PDCD1LG2: variants seen among roughly 807,000 people sequenced by gnomAD.
PDCD1LG2 encodes programmed cell death 1 ligand 2, also known as B7 dendritic cell molecule.
PDCD1LG2 carries 32 observed loss-of-function variants against 28.2 expected under a neutral mutation model. The observed-to-expected ratio is 1.13, with a 90% CI of 0.86 to 1.52. PDCD1LG2 has a LOEUF of 1.52. PDCD1LG2 is among the 40% of genes most tolerant of loss of function. PDCD1LG2 has a pLI of 0.00. For missense variants in PDCD1LG2, 385 were observed against 323.8 expected, an observed-to-expected ratio of 1.19 and a Z score of -1.45; for synonymous variants, 116 against 120.2, an observed-to-expected ratio of 0.97 and a Z score of 0.23.
At chr9:5,530,452 C>T (rs1820459996) in intron 2 of PDCD1LG2, among the ~76,000 whole-genome samples, 1 of 147,986 alleles carries the variant, frequency 6.8e-6, no homozygotes, top group Admixed American at 6.7e-5. Flanking sequence ...GAAAACAAAA[C>T]ATCTTTTCCT....
intron 1 of PDCD1LG2, among the ~76,000 whole-genome samples, chr9:5,514,168 T>C (rs1275811764): frequency 6.6e-6 from 1 of 152,222 alleles, no homozygotes; most frequent in Non-Finnish European, 1.5e-5. Flanking sequence ...TTCCATAGAA[T>C]GTCTATGCCT....
chr9:5,545,668 T>C (rs576010695), intron 3 of PDCD1LG2, among the ~76,000 whole-genome samples: 1 of 152,186 alleles, frequency 6.6e-6, no homozygotes. Flanking sequence ...ACCAGTCAAA[T>C]CCACAATTAC....
chr9:5,557,754 T>G lies in PDCD1LG2; in HGVS notation c.766+2T>G. 2 of 1,613,900 alleles carry G rather than the reference T, an allele frequency of 1.2e-6. No individual in the cohort carries two copies. The highest frequency in any genetic ancestry group is 1.7e-6 in the Non-Finnish European group (2 of 1,179,806). On this transcript the variant is annotated splice_donor_variant, in intron 5 of 6. Transcript: ENST00000397747. LOFTEE classifies it high-confidence loss of function. ...GTCAAAAGCTGTATTCTTCAAAAGG[T>G]AAGTGAGTTTTATTCATGGTAACCC...
chr9:5,550,479 G>C (rs974185419), intron 4 of PDCD1LG2, among the ~76,000 whole-genome samples: 1 of 152,108 alleles, frequency 6.6e-6, no homozygotes, highest in Non-Finnish European at 1.5e-5. Flanking sequence ...TTTATTATCT[G>C]ATACTTATGG....
chr9:5,565,246 G>A (rs1345947443), intron 6 of PDCD1LG2, among the ~76,000 whole-genome samples: 6 of 152,098 alleles, frequency 3.9e-5, no homozygotes, highest in African/African-American at 1.4e-4. Context: ...GCAGTGGTAT[G>A]ACCGTGGCTC....
intron 4 of PDCD1LG2, among the ~76,000 whole-genome samples, chr9:5,556,444 G>C (rs564385194): frequency 4.1e-4 from 62 of 152,304 alleles, no homozygotes; most frequent in African/African-American, 1.5e-3. Context: ...GCTGAGCTTT[G>C]GGTCAGATAG....
chr9:5,514,862 C>T (rs969510374), intron 1 of PDCD1LG2, among the ~76,000 whole-genome samples: 15 of 151,240 alleles, frequency 9.9e-5, no homozygotes, highest in South Asian at 2.1e-4. Flanking sequence ...TCCTGAGAGG[C>T]GCAATCGTTC....
intron 2 of PDCD1LG2, among the ~76,000 whole-genome samples, chr9:5,525,786 C>A (rs575280265): frequency 6.6e-6 from 1 of 151,890 alleles, no homozygotes; most frequent in Non-Finnish European, 1.5e-5. Flanking sequence ...TGGTGGCTCA[C>A]GCCTGTAATC....
intron 6 of PDCD1LG2, among the ~76,000 whole-genome samples, chr9:5,565,499 C>G (rs1413608752): frequency 6.6e-6 from 1 of 152,158 alleles, no homozygotes; most frequent in East Asian, 1.9e-4. Flanking sequence ...ACACAACACT[C>G]TCTTGCTTAA....
rs761045916 is a variant in PDCD1LG2, at chr9:5,569,935, T to C, written c.817-19T>C. On this transcript the variant is annotated intron_variant, in intron 6 of 6. Transcript: ENST00000397747. The surrounding 1 kb of genome is among the most constrained non-coding windows in gnomAD (Gnocchi z 4.1). ...ATCATAAAAAATGATTTTTCTTATTTGTGGGCTTTTCTCCCCAGATCTGAA... is the reference window on the plus strand; with the variant it reads ...ATCATAAAAAATGATTTTTCTTATTCGTGGGCTTTTCTCCCCAGATCTGAA... 17 of 1,613,376 alleles carry C rather than the reference T, an allele frequency of 1.1e-5. No homozygotes were observed. The highest frequency in any genetic ancestry group is 3.3e-5 in the South Asian group (3 of 90,990).
intron 2 of PDCD1LG2, among the ~76,000 whole-genome samples, chr9:5,527,837 C>CTT (rs113822135): frequency 0.054 from 8,128 of 150,696 alleles, 251 homozygotes; most frequent in South Asian, 0.067. Context: ...TCTATTTTTT[C>CTT]TTTTTTTTTG....
intron 3 of PDCD1LG2, among the ~76,000 whole-genome samples, chr9:5,542,320 G>T (rs1208818120): frequency 6.6e-6 from 1 of 151,864 alleles, no homozygotes; most frequent in Non-Finnish European, 1.5e-5. Context: ...CAAAGACAAA[G>T]GTAAATAGAT....
intron 2 of PDCD1LG2, among the ~76,000 whole-genome samples, 184 bp downstream of exon 2, chr9:5,522,785 C>G (rs1212241515): frequency 6.6e-6 from 1 of 151,992 alleles, no homozygotes; most frequent in Non-Finnish European, 1.5e-5. Flanking sequence ...ATGCCAATGT[C>G]CCTATCTGAC....
chr9:5,567,274 G>A (rs1219017924), intron 6 of PDCD1LG2, among the ~76,000 whole-genome samples: 1 of 152,156 alleles, frequency 6.6e-6, no homozygotes, highest in African/African-American at 2.4e-5. Flanking sequence ...ATGCTCTAAG[G>A]ATATAAGAGC....
chr9:5,561,876 G>A (rs572953404), intron 5 of PDCD1LG2, among the ~76,000 whole-genome samples: 1 of 152,178 alleles, frequency 6.6e-6, no homozygotes, highest in Non-Finnish European at 1.5e-5. Flanking sequence ...GGCCCACAGA[G>A]AATGGCAGCA....
intron 4 of PDCD1LG2, among the ~76,000 whole-genome samples, chr9:5,553,755 G>T (rs1359047576): frequency 6.6e-6 from 1 of 152,070 alleles, no homozygotes; most frequent in Non-Finnish European, 1.5e-5. Flanking sequence ...ATCTCCTAGG[G>T]TATCACTCAT....
At chr9:5,513,517 A>G (rs1319258010) in intron 1 of PDCD1LG2, among the ~76,000 whole-genome samples, 1 of 152,266 alleles carries the variant, frequency 6.6e-6, no homozygotes, top group African/African-American at 2.4e-5. Context: ...GAAACCCTCT[A>G]TGAATTCTCC....
intron 5 of PDCD1LG2, among the ~76,000 whole-genome samples, chr9:5,560,845 T>C (rs1360220967): frequency 3.3e-5 from 5 of 152,194 alleles, no homozygotes; most frequent in Admixed American, 2.6e-4. Flanking sequence ...GCAGCCATTA[T>C]TGGTCCATAA....
rs149917061 is a variant in PDCD1LG2 at position 5,534,947 on chromosome 9, G to A, written c.258G>A (p.Ser86=). 5.6e-5 allele frequency: 91 copies of A among 1,614,002 alleles called. No homozygotes were observed. Among genetic ancestry groups the A allele is most frequent in the Middle Eastern group, 4.9e-4 (3 of 6,084 alleles). The change falls in exon 3 of 7, where the codon TCG becomes TCA. Residue 86 remains serine, a synonymous_variant. Coordinates refer to ENST00000397747, the MANE Select transcript of PDCD1LG2 (RefSeq NM_025239.4). ...AGCAGCTGCCCCTAGGGAAGGCCTCGTTCCACATACCTCAAGTCCAAGTGA... is the reference window on the plus strand; with the variant it reads ...AGCAGCTGCCCCTAGGGAAGGCCTCATTCCACATACCTCAAGTCCAAGTGA... ...LEEQLPLGKA[S]FHIPQVQVRD...
Sources: gnomAD v4.1 joint callset for allele counts (sites outside exome capture counted in the v4.1 genomes callset) on GRCh38, gnomAD v4.1.1 for gene constraint, Gnocchi (gnomAD v3.1) non-coding constraint, MANE v1.5 for transcripts, NCBI Gene and HGNC (gene_info 2026-07-23, HGNC 2026-07-21) for gene names.